LPGAT1: variants seen among roughly 807,000 people sequenced by gnomAD.
LPGAT1 encodes lysophosphatidylglycerol acyltransferase 1, also known as acyl-CoA:lysophosphatidylglycerol acyltransferase 1.
Under a neutral mutation model 47.5 loss-of-function variants are expected in LPGAT1, and 11 were observed. The ratio of observed to expected loss-of-function variants is 0.23; its 90% CI spans 0.15 to 0.38. LPGAT1 has a LOEUF of 0.38. LPGAT1 is among the 10% of genes least tolerant of loss of function. The pLI, the probability that LPGAT1 is intolerant of heterozygous loss-of-function variation, is 1.00. For missense variants in LPGAT1, 293 were observed against 439.0 expected (o/e 0.67, Z 2.97); for synonymous variants, 138 against 144.2 (o/e 0.96, Z 0.31).
intron 6 of LPGAT1, among the ~76,000 whole-genome samples, chr1:211,763,316 C>A (rs981496574): frequency 2.0e-5 from 3 of 152,152 alleles, no homozygotes; most frequent in Non-Finnish European, 4.4e-5. Context: ...AATGAGTTAT[C>A]AATGGAGTAG....
intron 2 of LPGAT1, among the ~76,000 whole-genome samples, chr1:211,795,373 TTTTTTG>T (rs1207933207): frequency 6.6e-6 from 1 of 152,192 alleles, no homozygotes; most frequent in Non-Finnish European, 1.5e-5. Flanking sequence ...TTTGTTTGGT[TTTTTTG>T]TTTTTGAGAC....
chr1:211,812,187 C>T (rs976715219), intron 2 of LPGAT1, among the ~76,000 whole-genome samples: 3 of 152,162 alleles, frequency 2.0e-5, no homozygotes, highest in African/African-American at 7.2e-5. Flanking sequence ...AGTTAGTCTC[C>T]CTACTGCAGA....
At chr1:211,800,209 T>TG in intron 2 of LPGAT1, among the ~76,000 whole-genome samples, 1 of 148,716 alleles carries the variant, frequency 6.7e-6, no homozygotes, top group Non-Finnish European at 1.5e-5. Flanking sequence ...TTTTTTTTTT[T>TG]GTATTTTAGT....
intron 2 of LPGAT1, among the ~76,000 whole-genome samples, chr1:211,806,370 G>A (rs1659764351): frequency 6.6e-6 from 1 of 150,982 alleles, no homozygotes; most frequent in South Asian, 2.1e-4. Context: ...GTCCTCTGCA[G>A]CAACATGGAT....
Position 211,745,237 on chromosome 1 carries a change from AG to A in LPGAT1, c.*4661del, listed in dbSNP as rs1282204156. 2.0e-5 allele frequency: 3 copies of A among 152,662 alleles called. No homozygotes were observed. Among genetic ancestry groups the A allele is most frequent in the African/African-American group, 7.2e-5 (3 of 41,466 alleles). 9.5% of individuals were successfully genotyped at this position (152,662 alleles called of 1,614,324 possible). Reference sequence around the variant, plus strand: ...TACAACATGCAGATAACACAAAGAAAGGTCAACAAGCTGAAGTAAACATTAC... The same window carrying A: ...TACAACATGCAGATAACACAAAGAAAGTCAACAAGCTGAAGTAAACATTAC... On this transcript the variant is annotated 3_prime_UTR_variant, in exon 8 of 8. Transcript: ENST00000366997.
At chr1:211,824,259 G>A (rs1031776226) in intron 2 of LPGAT1, among the ~76,000 whole-genome samples, 1 of 152,074 alleles carries the variant, frequency 6.6e-6, no homozygotes, top group East Asian at 1.9e-4. Context: ...AGCCGGGCAC[G>A]GTGGTGGATA....
chr1:211,813,419 G>C (rs990102069), intron 2 of LPGAT1, among the ~76,000 whole-genome samples: 5 of 152,110 alleles, frequency 3.3e-5, no homozygotes, highest in African/African-American at 7.2e-5. Flanking sequence ...TTTAGACAAG[G>C]TTAGAAATTA....
chr1:211,794,583 G>A (rs1038064613), intron 2 of LPGAT1, among the ~76,000 whole-genome samples: 1 of 152,196 alleles, frequency 6.6e-6, no homozygotes, highest in Non-Finnish European at 1.5e-5. Flanking sequence ...TGACATTACA[G>A]ACATGAGCCA....
chr1:211,796,338 G>T (rs1230037464), intron 2 of LPGAT1, among the ~76,000 whole-genome samples: 1 of 152,112 alleles, frequency 6.6e-6, no homozygotes, highest in African/African-American at 2.4e-5. Context: ...CAATAAGACT[G>T]GAGTCCTTAT....
intron 1 of LPGAT1, chr1:211,829,913 T>G: frequency 1.0e-6 from 1 of 984,962 alleles, no homozygotes; most frequent in Non-Finnish European, 1.2e-6. Context: ...AAAAAAAGCT[T>G]ACAAGGTGAG....
intron 6 of LPGAT1, among the ~76,000 whole-genome samples, chr1:211,752,428 G>A (rs569694980): frequency 5.3e-5 from 8 of 151,598 alleles, no homozygotes; most frequent in African/African-American, 1.9e-4. Context: ...GCATGTAGTT[G>A]CAACTTCTGC....
chr1:211,812,615 G>A (rs1265645222), intron 2 of LPGAT1, among the ~76,000 whole-genome samples: 1 of 151,900 alleles, frequency 6.6e-6, no homozygotes, highest in Non-Finnish European at 1.5e-5. Flanking sequence ...ACCTGTGAAT[G>A]TTACTTTATA....
chr1:211,756,231 G>A (rs574073752), intron 6 of LPGAT1, among the ~76,000 whole-genome samples: 39 of 152,094 alleles, frequency 2.6e-4, no homozygotes, highest in Admixed American at 1.4e-3. Context: ...GGGAGACTCC[G>A]TCTCAAAAAA....
At chr1:211,810,336 G>A (rs944969717) in intron 2 of LPGAT1, among the ~76,000 whole-genome samples, 6 of 152,148 alleles carry the variant, frequency 3.9e-5, no homozygotes, top group South Asian at 2.1e-4. Context: ...AGAACGTGAC[G>A]GAAGATAGAG....
chr1:211,777,722 T>C (rs1457141766), intron 6 of LPGAT1, among the ~76,000 whole-genome samples: 1 of 152,134 alleles, frequency 6.6e-6, no homozygotes, highest in African/African-American at 2.4e-5. Flanking sequence ...AAAAACAAAT[T>C]CAATTTCTAT....
intron 2 of LPGAT1, among the ~76,000 whole-genome samples, chr1:211,824,228 C>T (rs1217214897): frequency 2.6e-5 from 4 of 152,054 alleles, no homozygotes; most frequent in Non-Finnish European, 4.4e-5. Context: ...GAAACCTTGT[C>T]TCTACTAACA....
rs1660521951 is a variant in LPGAT1 at position 211,825,586 on chromosome 1, T to C, written c.238+3473A>G. Among the ~76,000 whole-genome samples, 3 of 152,210 alleles carry C rather than the reference T, an allele frequency of 2.0e-5. No homozygotes were observed. The East Asian group carries it at 5.8e-4, about 29-fold the overall frequency. ...AGTTAAGCTAGTATCTCTTTTGGTT[T>C]GCCCTTGAAATATTAAGACAAAGGC... On this transcript the variant is annotated intron_variant, in intron 2 of 7. Transcript: ENST00000366997.
intron 2 of LPGAT1, among the ~76,000 whole-genome samples, chr1:211,818,283 T>A (rs530630663): frequency 6.6e-6 from 1 of 152,296 alleles, no homozygotes; most frequent in South Asian, 2.1e-4. Flanking sequence ...TCCAAGCAAG[T>A]ATCCTTAATA....
At chr1:211,763,673 C>T (rs1657796116) in intron 6 of LPGAT1, among the ~76,000 whole-genome samples, 1 of 152,216 alleles carries the variant, frequency 6.6e-6, no homozygotes, top group African/African-American at 2.4e-5. Flanking sequence ...TTTCCTCCCT[C>T]AGACACCTGT....
Sources: allele counts gnomAD v4.1 joint callset (sites outside exome capture counted in the v4.1 genomes callset), GRCh38; gene constraint gnomAD v4.1.1; transcripts MANE v1.5; gene names NCBI Gene and HGNC (gene_info 2026-07-23, HGNC 2026-07-21).